Variants in TMEM132C observed in about 807,000 individuals in gnomAD.
TMEM132C encodes the protein protein phosphatase 1, regulatory subunit 152.
In TMEM132C, 29 loss-of-function variants were observed where a neutral mutation model predicts 61.4. The observed-to-expected ratio is 0.47, with a 90% CI of 0.35 to 0.64. TMEM132C has a LOEUF of 0.64. Among genes scored for constraint, TMEM132C ranks in the 30% least tolerant of loss-of-function variants. The pLI is 0.00. For synonymous variants in TMEM132C, 656 were observed against 633.1 expected, an observed-to-expected ratio of 1.04 and a Z score of -0.54; for missense variants, 1,408 against 1,476.9, an observed-to-expected ratio of 0.95 and a Z score of 0.76.
intron 3 of TMEM132C, among the ~76,000 whole-genome samples, chr12:128,574,574 T>C (rs1318066396): frequency 6.6e-6 from 1 of 152,238 alleles, no homozygotes; most frequent in Non-Finnish European, 1.5e-5. Flanking sequence ...TCTGTTTCTT[T>C]GGCCAAGTTC....
intron 2 of TMEM132C, among the ~76,000 whole-genome samples, chr12:128,473,529 A>AGT (rs1362526579): frequency 4.4e-3 from 451 of 102,856 alleles, no homozygotes; most frequent in South Asian, 0.028. Context: ...TCTTCACTCC[A>AGT]CCATCCATCT....
chr12:128,420,582 A>G (rs971839016), intron 2 of TMEM132C, among the ~76,000 whole-genome samples: 1 of 152,206 alleles, frequency 6.6e-6, no homozygotes, highest in African/African-American at 2.4e-5. Context: ...TGAAGAAGGA[A>G]TGTCACGATG....
At chr12:128,636,212 A>C (rs1415094252) in intron 4 of TMEM132C, among the ~76,000 whole-genome samples, 1 of 151,410 alleles carries the variant, frequency 6.6e-6, no homozygotes. Flanking sequence ...CACCACCACC[A>C]GCTAATTTTT....
At chr12:128,480,229 C>T (rs1236660578) in intron 2 of TMEM132C, among the ~76,000 whole-genome samples, 4 of 152,156 alleles carry the variant, frequency 2.6e-5, no homozygotes, top group Admixed American at 6.5e-5. Context: ...CACTGCACTC[C>T]AGCTTGGGCA....
chr12:128,696,307 C>G (rs887594623), intron 7 of TMEM132C, among the ~76,000 whole-genome samples: 28 of 152,120 alleles, frequency 1.8e-4, no homozygotes, highest in Admixed American at 6.5e-5. Flanking sequence ...TCTTAGCTCC[C>G]CGTGTGACCT....
In TMEM132C at chr12:128,568,192, A is replaced by C. The variant is rs572205385; in HGVS notation, c.1121+24089A>C. Among the ~76,000 whole-genome samples the C allele has an allele frequency of 7.2e-5, 11 of 152,334 alleles. No individual in the cohort carries two copies. In the East Asian group the frequency reaches 1.9e-3, roughly 27 times the overall value. On this transcript the variant is annotated intron_variant, in intron 3 of 8. Coordinates refer to ENST00000435159, the MANE Select transcript of TMEM132C (RefSeq NM_001136103.3). ...CACCTCTTAACAATGTCATCTTGCC[A>C]TTAAAGAAGGGAGCAGTTCTCTCTT... is the stretch of plus-strand genomic sequence containing the variant.
intron 1 of TMEM132C, among the ~76,000 whole-genome samples, chr12:128,312,872 A>G (rs1872022259): frequency 6.6e-6 from 1 of 152,228 alleles, no homozygotes; most frequent in Non-Finnish European, 1.5e-5. Context: ...GATGGTTTCC[A>G]GCTGCACTCA....
chr12:128,312,900 G>A (rs1349030922), intron 1 of TMEM132C, among the ~76,000 whole-genome samples: 1 of 152,186 alleles, frequency 6.6e-6, no homozygotes, highest in Non-Finnish European at 1.5e-5. Context: ...TCCCGCACAT[G>A]GGCTCTGGAG....
intron 2 of TMEM132C, among the ~76,000 whole-genome samples, chr12:128,477,510 T>C (rs1871188824): frequency 6.6e-6 from 1 of 152,166 alleles, no homozygotes; most frequent in East Asian, 1.9e-4. Context: ...CAGAATGGGA[T>C]AAAGAACTGA....
rs142706016 is a variant in TMEM132C at position 128,332,507 on chromosome 12, A to T, written c.85+65020A>T. Among the ~76,000 whole-genome samples, 410 of 152,328 alleles carry T rather than the reference A, an allele frequency of 2.7e-3. 2 individuals carry two copies. Among genetic ancestry groups the T allele is most frequent in the African/African-American group, 9.4e-3 (391 of 41,576 alleles). On this transcript the variant is annotated intron_variant, in intron 1 of 8. Coordinates refer to ENST00000435159, the MANE Select transcript of TMEM132C (RefSeq NM_001136103.3). The stretch of plus-strand genomic sequence containing the variant: ...ACAGTGGTTTTCTTGGAAGTGATAG[A>T]CCATATAATTCTCACATGTCAAGGT...
chr12:128,620,919 T>G (rs1194539501), intron 4 of TMEM132C, among the ~76,000 whole-genome samples: 2 of 152,176 alleles, frequency 1.3e-5, no homozygotes, highest in Admixed American at 1.3e-4. Context: ...TGCTACTTAT[T>G]CTTGCATCTG....
chr12:128,528,141 A>G (rs1460556511), intron 2 of TMEM132C, among the ~76,000 whole-genome samples: 1 of 152,184 alleles, frequency 6.6e-6, no homozygotes, highest in African/African-American at 2.4e-5. Flanking sequence ...CTACATCCCC[A>G]CTTCCACAAG....
intron 3 of TMEM132C, among the ~76,000 whole-genome samples, chr12:128,555,416 A>G (rs1565973174): frequency 6.6e-6 from 1 of 152,236 alleles, no homozygotes. Flanking sequence ...TGAAGATTGC[A>G]AACTACCACA....
At chr12:128,301,946 C>T (rs1259839324) in intron 1 of TMEM132C, among the ~76,000 whole-genome samples, 8 of 152,282 alleles carry the variant, frequency 5.3e-5, no homozygotes, top group Admixed American at 2.6e-4. Context: ...GAGGAAACCA[C>T]TTATAAAACC....
chr12:128,606,900 A>G (rs1876446293), intron 3 of TMEM132C, among the ~76,000 whole-genome samples: 1 of 152,180 alleles, frequency 6.6e-6, no homozygotes, highest in South Asian at 2.1e-4. Flanking sequence ...AAGTCCTGTT[A>G]TTGCTGGGGC....
intron 1 of TMEM132C, among the ~76,000 whole-genome samples, chr12:128,371,311 C>A (rs544339188): frequency 1.3e-5 from 2 of 152,228 alleles, no homozygotes; most frequent in East Asian, 3.9e-4. Context: ...AAGTCAAGTG[C>A]AACTGACTTC....
intron 1 of TMEM132C, among the ~76,000 whole-genome samples, chr12:128,379,767 C>T (rs4882749): frequency 0.71 from 108,554 of 152,186 alleles, 42,490 homozygotes; most frequent in Non-Finnish European, 0.88. Flanking sequence ...AAGGAAATAA[C>T]GCCACATTTG....
chr12:128,404,403 ATGT>A (rs1386754171), intron 1 of TMEM132C: 1 of 152,136 alleles, frequency 6.6e-6, no homozygotes, highest in Non-Finnish European at 1.5e-5. Flanking sequence ...TCTTTTGGTT[ATGT>A]TGTTCTTCAT....
At chr12:128,338,432 T>C (rs564282437) in intron 1 of TMEM132C, among the ~76,000 whole-genome samples, 1 of 152,272 alleles carries the variant, frequency 6.6e-6, no homozygotes, top group African/African-American at 2.4e-5. Flanking sequence ...TCCCTTATTT[T>C]CCCTTGGCAC....
Sources: gnomAD v4.1 joint callset for allele counts (sites outside exome capture counted in the v4.1 genomes callset) on GRCh38, gnomAD v4.1.1 for gene constraint, MANE v1.5 for transcripts, NCBI Gene and HGNC (gene_info 2026-07-23, HGNC 2026-07-21) for gene names.